Variants in LRRK1 observed in about 807,000 individuals in gnomAD.
LRRK1 encodes leucine-rich repeat serine/threonine-protein kinase 1.
LRRK1 carries 113 observed loss-of-function variants against 209.1 expected under a neutral mutation model. That is an observed-to-expected ratio of 0.54 (90% CI 0.46 to 0.63). The LOEUF is 0.63. Ranked by LOEUF, LRRK1 falls within the 30% of genes least tolerant of loss-of-function variation. LRRK1 has a pLI of 0.00. For synonymous variants in LRRK1, 1,144 were observed against 1,099.7 expected, an observed-to-expected ratio of 1.04 and a Z score of -0.80; for missense variants, 2,284 against 2,632.2, an observed-to-expected ratio of 0.87 and a Z score of 2.89.
At chr15:100,976,308 C>T (rs930460381) in intron 3 of LRRK1, among the ~76,000 whole-genome samples, 1 of 152,118 alleles carries the variant, frequency 6.6e-6, no homozygotes, top group Non-Finnish European at 1.5e-5. Context: ...GCTAACACAA[C>T]CTCAATACCA....
Position 101,049,712 on chromosome 15 carries a change from A to C in LRRK1, c.3368A>C (p.Glu1123Ala). The C allele has an allele frequency of 6.2e-7, 1 of 1,614,158 alleles. No individual in the cohort carries two copies. Among genetic ancestry groups the C allele is most frequent in the Non-Finnish European group, 8.5e-7 (1 of 1,180,002 alleles). The change falls in exon 23 of 34, where the codon GAA becomes GCA. Residue 1123 changes from glutamate (E) to alanine (A), a missense_variant. Transcript: ENST00000388948. The stretch of plus-strand genomic sequence containing the variant: ...GGAATGAAAATTGTTTGCCAATCAG[A>C]AGTGAGGGACTTCTCAGCCATGGCT... ...SGGMKIVCQS[E>A]VRDFSAMAFI...
chr15:101,011,492 A>AG (rs1234241985), intron 9 of LRRK1, among the ~76,000 whole-genome samples: 43 of 149,598 alleles, frequency 2.9e-4, no homozygotes, highest in Non-Finnish European at 4.8e-4. Flanking sequence ...AAAAAAAAAA[A>AG]GCATCAATCT....
intron 2 of LRRK1, among the ~76,000 whole-genome samples, chr15:100,936,974 A>G (rs1425450076): frequency 6.6e-6 from 1 of 152,154 alleles, no homozygotes; most frequent in East Asian, 1.9e-4. Context: ...TATGTCCTAT[A>G]TTTTCCAAGA....
rs753606461 is a variant in LRRK1 at position 100,983,639 on chromosome 15, G to A, written c.373G>A (p.Val125Met). ...CGAGCCCACGGATGACAACCCAGCC[G>A]TGGTGGCAGCGTATTTTGGACACAC... The part of the protein sequence containing the change: ...PTEPTDDNPA[V>M]VAAYFGHTAV... The change falls in exon 4 of 34, where the codon GTG becomes ATG. Residue 125 changes from valine to methionine, a missense_variant. Transcript: ENST00000388948. 1.7e-5 allele frequency: 27 copies of A among 1,608,846 alleles called. No individual in the cohort carries two copies. The highest frequency in any genetic ancestry group is 4.0e-5 in the African/African-American group (3 of 74,808).
intron 6 of LRRK1, among the ~76,000 whole-genome samples, chr15:101,001,744 T>G (rs2077836190): frequency 1.3e-5 from 2 of 152,204 alleles, no homozygotes. Flanking sequence ...TGGTGTGCCC[T>G]TTTGTCACTG....
At chr15:100,930,042 T>C (rs954481310) in intron 2 of LRRK1, among the ~76,000 whole-genome samples, 1 of 152,206 alleles carries the variant, frequency 6.6e-6, no homozygotes, top group African/African-American at 2.4e-5. Context: ...CTTCTCCTGG[T>C]TACTTGTCTG....
In LRRK1 at chr15:101,062,585, C is replaced by A; in HGVS notation, c.4809C>A (p.Ile1603=). The change falls in exon 31 of 34, where the codon ATC becomes ATA. Residue 1603 remains isoleucine, a synonymous_variant. Coordinates refer to ENST00000388948, the MANE Select transcript of LRRK1 (RefSeq NM_024652.6). The part of the protein sequence containing the change: ...SLWTATEDQK[I]YIYTLKGMCP... ...GTCTGCCTCTGCAGGACCAGAAAAT[C>A]TACATCTACACCCTCAAGGGCATGT... 3 of 1,613,344 alleles carry A rather than the reference C, an allele frequency of 1.9e-6. No homozygotes were observed. Among genetic ancestry groups the A allele is most frequent in the Non-Finnish European group, 2.5e-6 (3 of 1,179,224 alleles).
chr15:101,029,322 T>G, intron 20 of LRRK1, 90 bp downstream of exon 20: 3 of 1,317,016 alleles, frequency 2.3e-6, no homozygotes, highest in Non-Finnish European at 2.1e-6. Flanking sequence ...CTGAACAAGA[T>G]TTCCAGGGAT....
chr15:101,023,037 G>C (rs541690217), intron 15 of LRRK1, among the ~76,000 whole-genome samples: 57 of 152,182 alleles, frequency 3.7e-4, no homozygotes, highest in African/African-American at 1.3e-3. Flanking sequence ...TGACCCCAAG[G>C]ATTCAAGTTC....
At chr15:100,976,759 A>G (rs1156909035) in intron 3 of LRRK1, among the ~76,000 whole-genome samples, 2 of 152,208 alleles carry the variant, frequency 1.3e-5, no homozygotes, top group Non-Finnish European at 2.9e-5. Flanking sequence ...TTTAAGATAG[A>G]ACAACCTTGA....
intron 20 of LRRK1, among the ~76,000 whole-genome samples, chr15:101,035,951 T>C (rs2034478789): frequency 6.6e-6 from 1 of 152,222 alleles, no homozygotes; most frequent in South Asian, 2.1e-4. Flanking sequence ...AGGTTTCTGC[T>C]GAGGAATCTG....
At chr15:100,973,730 T>G in intron 2 of LRRK1, 74 bp from the exon 3 acceptor site, 13 of 1,226,594 alleles carry the variant, frequency 1.1e-5, no homozygotes, top group Non-Finnish European at 1.3e-5. Context: ...CCTCCTGCTG[T>G]GTTCCACGGT....
chr15:101,077,026 A>G lies in LRRK1; in HGVS notation c.*8178A>G, dbSNP rs28827888. On this transcript the variant is annotated 3_prime_UTR_variant, in exon 34 of 34. Coordinates refer to ENST00000388948, the MANE Select transcript of LRRK1 (RefSeq NM_024652.6). ...TCAGTGAAACCTTTATATCCCTTAC[A>G]GTCCTCAGCCTTCAGGAAAGGTAGA... The G allele has an allele frequency of 0.16, 24,648 of 151,732 alleles. 2,706 individuals are homozygous for G. The highest frequency in any genetic ancestry group is 0.54 in the East Asian group (2,799 of 5,154). 9.4% of individuals were successfully genotyped at this position (151,732 alleles called of 1,614,324 possible).
At chr15:101,011,240 A>G (rs2002867) in intron 9 of LRRK1, among the ~76,000 whole-genome samples, 109,072 of 151,528 alleles carry the variant, frequency 0.72, 39,325 homozygotes, top group East Asian at 0.75. Flanking sequence ...AGGCCAAGGT[A>G]GGTGGATCAC....
chr15:100,922,609 T>C (rs2042038844), intron 1 of LRRK1, among the ~76,000 whole-genome samples: 1 of 152,198 alleles, frequency 6.6e-6, no homozygotes. Flanking sequence ...TGGATGTGAA[T>C]GTGTGATCGG....
intron 2 of LRRK1, among the ~76,000 whole-genome samples, chr15:100,964,449 G>A (rs1030765898): frequency 3.3e-5 from 5 of 152,324 alleles, no homozygotes; most frequent in African/African-American, 1.2e-4. Context: ...TGCCAGGAGG[G>A]TGTCACCTCC....
chr15:100,963,787 T>C (rs7165781), intron 2 of LRRK1, among the ~76,000 whole-genome samples: 107,022 of 152,108 alleles, frequency 0.7, 37,989 homozygotes, highest in Middle Eastern at 0.76. Context: ...CCTCCCACGA[T>C]GGCCAATGGA....
intron 31 of LRRK1, among the ~76,000 whole-genome samples, chr15:101,063,802 G>C (rs1383183284): frequency 2.4e-5 from 3 of 123,906 alleles, no homozygotes; most frequent in African/African-American, 9.6e-5. Context: ...CCCTTCTTCA[G>C]TTTCATTTAA....
intron 20 of LRRK1, among the ~76,000 whole-genome samples, chr15:101,041,689 G>T (rs80318768): frequency 6.6e-6 from 1 of 152,122 alleles, no homozygotes; most frequent in Non-Finnish European, 1.5e-5. Flanking sequence ...TGTCATCCAC[G>T]TTTCTTCTAT....
Sources: allele counts gnomAD v4.1 joint callset (sites outside exome capture counted in the v4.1 genomes callset), GRCh38; gene constraint gnomAD v4.1.1; transcripts MANE v1.5; gene names NCBI Gene and HGNC (gene_info 2026-07-23, HGNC 2026-07-21).